SFMBT2: variants seen among roughly 807,000 people sequenced by gnomAD.
SFMBT2 encodes the protein scm-like with four MBT domains protein 2.
Under a neutral mutation model 110.1 loss-of-function variants are expected in SFMBT2, and 38 were observed. The observed-to-expected ratio is 0.35, with a 90% CI of 0.27 to 0.45. The LOEUF (loss-of-function observed/expected upper bound fraction) is 0.45. Ranked by LOEUF, SFMBT2 falls within the 20% of genes least tolerant of loss-of-function variation. The pLI is 1.00. For synonymous variants in SFMBT2, 425 were observed against 425.4 expected (o/e 1.00, Z 0.01); for missense variants, 1,011 against 1,094.9 (o/e 0.92, Z 1.08).
chr10:7,391,100 A>G (rs1262847842), intron 1 of SFMBT2, among the ~76,000 whole-genome samples: 1 of 151,866 alleles, frequency 6.6e-6, no homozygotes. Context: ...ACTCCGACTC[A>G]CTCAGTCAAT....
chr10:7,382,968 C>A (rs959491435), intron 1 of SFMBT2, among the ~76,000 whole-genome samples: 9 of 152,196 alleles, frequency 5.9e-5, no homozygotes, highest in Admixed American at 5.9e-4. Flanking sequence ...CCATACCTGG[C>A]TCCGATGCTC....
intron 4 of SFMBT2, among the ~76,000 whole-genome samples, chr10:7,315,137 C>A (rs573817127): frequency 6.6e-6 from 1 of 150,390 alleles, no homozygotes; most frequent in South Asian, 2.1e-4. Context: ...CCAGCCAATC[C>A]GGCAGCACAA....
chr10:7,405,739 A>C (rs1269217832), intron 1 of SFMBT2, among the ~76,000 whole-genome samples: 2 of 152,022 alleles, frequency 1.3e-5, no homozygotes, highest in African/African-American at 4.8e-5. Context: ...GTAGATAAGG[A>C]GGTTGAGGCT....
In SFMBT2 at chr10:7,171,055, T is replaced by A. The variant is rs762644248; in HGVS notation, c.2417A>T (p.Asp806Val). 5.0e-6 allele frequency: 8 copies of A among 1,614,122 alleles called. No homozygotes were observed. In the South Asian group the frequency reaches 8.8e-5, roughly 18 times the overall value. ...CPPTKPEGTE[D>V]TKQEEEERLV... ...TCTCTCCTCCTCCTCCTGTTTCGTG[T>A]CCTGCAGAGAAAGGGCAGGAGGAGC... Residue 806 changes from aspartate to valine, a missense_variant and splice_region_variant, in exon 20 of 21, where the codon GAC becomes GTC. By Grantham distance (152) the Asp-to-Val change is radical (BLOSUM62 -3). Transcript: ENST00000397167. This position sits in a 1 kb window ranked among gnomAD's most constrained non-coding sequence, Gnocchi z 4.9.
intron 16 of SFMBT2, among the ~76,000 whole-genome samples, chr10:7,179,391 G>GAAAAA (rs57497418): frequency 1.3e-4 from 9 of 70,298 alleles, no homozygotes; most frequent in African/African-American, 2.6e-4. Context: ...TTGCATTTTC[G>GAAAAA]AAAAAAAAAA....
chr10:7,357,219 T>C (rs901965455), intron 4 of SFMBT2, among the ~76,000 whole-genome samples: 5 of 152,120 alleles, frequency 3.3e-5, no homozygotes, highest in Non-Finnish European at 7.3e-5. Context: ...AATCCACGCC[T>C]GGCAGGGTTA....
At chr10:7,219,623 G>T (rs1178248730) in intron 11 of SFMBT2, 4 of 289,400 alleles carry the variant, frequency 1.4e-5, no homozygotes, top group Non-Finnish European at 2.1e-5. Context: ...TATGAACTAG[G>T]AGAGCTAACT....
intron 4 of SFMBT2, among the ~76,000 whole-genome samples, chr10:7,324,381 G>A (rs1843305836): frequency 1.3e-5 from 2 of 152,148 alleles, no homozygotes; most frequent in Non-Finnish European, 1.5e-5. Context: ...ATGGAATAAG[G>A]AGTAAGAGGT....
At chr10:7,278,285 G>A (rs768972765) in intron 6 of SFMBT2, among the ~76,000 whole-genome samples, 6 of 152,184 alleles carry the variant, frequency 3.9e-5, no homozygotes, top group Non-Finnish European at 8.8e-5. Context: ...ACAGTGAGAA[G>A]GGGGCACTCA....
chr10:7,208,941 A>G (rs11592965), intron 11 of SFMBT2, among the ~76,000 whole-genome samples: 62,579 of 151,928 alleles, frequency 0.41, 13,338 homozygotes, highest in Middle Eastern at 0.57. Flanking sequence ...TTTCCCTCAA[A>G]AAGGTTACAA....
chr10:7,302,983 T>C (rs932261309), intron 4 of SFMBT2, among the ~76,000 whole-genome samples: 4 of 147,524 alleles, frequency 2.7e-5, no homozygotes, highest in Non-Finnish European at 6.0e-5. Context: ...AACATTTCAA[T>C]AAAAACTTTG....
Position 7,172,482 on chromosome 10 carries a change from G to A in SFMBT2, c.2151+13C>T, listed in dbSNP as rs200995763. The A allele has an allele frequency of 1.2e-4, 198 of 1,613,034 alleles. No homozygotes were observed. The highest frequency in any genetic ancestry group is 1.9e-4 in the Middle Eastern group (1 of 5,400). ...AGAGCTACAGGCTGGCAGGTGCCCC[G>A]GGCAGAACATACCTCCCCCGAGCCC... On this transcript the variant is annotated intron_variant, in intron 18 of 20. Coordinates refer to ENST00000397167, the MANE Select transcript of SFMBT2 (RefSeq NM_001387889.1). The surrounding 1 kb of genome is among the most constrained non-coding windows in gnomAD (Gnocchi z 4.6).
intron 2 of SFMBT2, among the ~76,000 whole-genome samples, chr10:7,375,116 A>G (rs1328358935): frequency 6.6e-6 from 1 of 152,260 alleles, no homozygotes; most frequent in African/African-American, 2.4e-5. Flanking sequence ...AGAAAATTTC[A>G]CAATTTAAAA....
intron 4 of SFMBT2, among the ~76,000 whole-genome samples, chr10:7,315,467 G>A (rs550985990): frequency 8.5e-5 from 13 of 152,314 alleles, no homozygotes; most frequent in African/African-American, 3.1e-4. Context: ...TGGGTCTCGA[G>A]CTTGGAGGCC....
chr10:7,326,385 C>T (rs1444626677), intron 4 of SFMBT2, among the ~76,000 whole-genome samples: 1 of 152,166 alleles, frequency 6.6e-6, no homozygotes, highest in South Asian at 2.1e-4. Flanking sequence ...ATCCTTAGCC[C>T]CTGCCCAGGA....
At chr10:7,248,149 C>T (rs1588381839) in intron 8 of SFMBT2, among the ~76,000 whole-genome samples, 1 of 140,916 alleles carries the variant, frequency 7.1e-6, no homozygotes, top group South Asian at 2.6e-4. Flanking sequence ...AGAAAAAACA[C>T]AGAAATGCTG....
intron 9 of SFMBT2, chr10:7,228,301 G>A (rs1322664818): frequency 1.8e-6 from 1 of 561,770 alleles, no homozygotes; most frequent in Admixed American, 6.4e-5. Context: ...CCCTTCATAG[G>A]AAGCCTGAGT....
chr10:7,239,683 C>G (rs1266422908), intron 9 of SFMBT2, among the ~76,000 whole-genome samples: 2 of 152,194 alleles, frequency 1.3e-5, no homozygotes, highest in African/African-American at 4.8e-5. Context: ...TTGTAATTCT[C>G]TGACTGCTTT....
At chr10:7,284,464 A>G (rs1842032775) in intron 5 of SFMBT2, 3 of 1,079,980 alleles carry the variant, frequency 2.8e-6, no homozygotes, top group Non-Finnish European at 3.4e-6. Context: ...AACAATCAGT[A>G]TGCTTTTAAG....
Sources: allele counts gnomAD v4.1 joint callset (sites outside exome capture counted in the v4.1 genomes callset), GRCh38; gene constraint gnomAD v4.1.1; non-coding constraint Gnocchi (gnomAD v3.1); transcripts MANE v1.5; gene names NCBI Gene and HGNC (gene_info 2026-07-23, HGNC 2026-07-21).